POTEJ: variants seen among roughly 807,000 people sequenced by gnomAD.
POTEJ encodes the protein POTE ankyrin domain family member J.
A neutral mutation model predicts 69.0 loss-of-function variants in POTEJ; 11 were observed. The ratio of observed to expected loss-of-function variants is 0.16; its 90% CI spans 0.10 to 0.26. The LOEUF is 0.26. Ranked by LOEUF, POTEJ falls within the 10% of genes least tolerant of loss-of-function variation. The pLI, the probability that POTEJ is intolerant of heterozygous loss-of-function variation, is 1.00. For synonymous variants in POTEJ, 117 were observed against 381.1 expected (o/e 0.31, Z 8.07); for missense variants, 327 against 1,045.5 (o/e 0.31, Z 9.48).
At chr2:130,650,135 T>C (rs1686755028) in intron 13 of POTEJ, among the ~76,000 whole-genome samples, 2 of 152,280 alleles carry the variant, frequency 1.3e-5, no homozygotes, top group Admixed American at 6.5e-5. Context: ...GAAGTTTCAA[T>C]GAAACAAAGT....
intron 5 of POTEJ, among the ~76,000 whole-genome samples, chr2:130,623,681 G>A (rs1484007025): frequency 1.5e-5 from 2 of 132,270 alleles, no homozygotes; most frequent in Non-Finnish European, 3.2e-5. Flanking sequence ...TAACAACCTA[G>A]TGAAATAAGG....
upstream of POTEJ, chr2:130,611,355 G>A: frequency 7.4e-6 from 4 of 540,912 alleles, no homozygotes; most frequent in Non-Finnish European, 1.3e-5. Flanking sequence ...CCGGGTGGGT[G>A]TGGGTTTTCC....
intron 9 of POTEJ, among the ~76,000 whole-genome samples, chr2:130,636,012 T>TCAAA: frequency 6.9e-6 from 1 of 144,356 alleles, no homozygotes; most frequent in South Asian, 2.1e-4. Flanking sequence ...TGAGTATGGG[T>TCAAA]CAAAGTTCCT....
Position 130,630,791 on chromosome 2 carries a change from G to C in POTEJ, c.1087-618G>C, listed in dbSNP as rs546212360. Reference sequence around the variant, plus strand: ...TATCCACTGTAATTAGTACACATTAGAATATATTAGAACTGGACTTAAGCA... The same window carrying C: ...TATCCACTGTAATTAGTACACATTACAATATATTAGAACTGGACTTAAGCA... On this transcript the variant is annotated intron_variant, in intron 7 of 14. Transcript: ENST00000409602. Among the ~76,000 whole-genome samples the C allele has an allele frequency of 3.0e-3, 436 of 145,634 alleles. 7 individuals carry two copies. The highest frequency in any genetic ancestry group is 0.011 in the African/African-American group (413 of 37,586).
In POTEJ at chr2:130,643,451, G is replaced by A. The variant is rs543895831; in HGVS notation, c.1370-532G>A. Among the ~76,000 whole-genome samples the A allele has an allele frequency of 2.0e-4, 27 of 136,546 alleles. 1 individual carries two copies. The highest frequency in any genetic ancestry group is 1.4e-3 in the South Asian group (6 of 4,348). The allele number at this position is 136,546 out of a possible 152,430, so 89.6% of individuals were successfully genotyped here. On this transcript the variant is annotated intron_variant, in intron 10 of 14. Coordinates refer to ENST00000409602, the MANE Select transcript of POTEJ (RefSeq NM_001277083.2). ...GGAGAATCACTTGAACCAGGGAGGC[G>A]GAGGTTGCAGTGAGCTGATCATGCC...
rs1269472899 is a variant in POTEJ, at chr2:130,626,880, T to C, written c.1015+2746T>C. Among the ~76,000 whole-genome samples the C allele has an allele frequency of 1.0e-3, 152 of 152,220 alleles. No homozygotes were observed. The East Asian group carries it at 0.027, about 27-fold the overall frequency. ...ATTTGTTTTGCTTAATTTTTTTTCA[T>C]GTAAGAAATAACATTAATAGTTGGC... On this transcript the variant is annotated intron_variant, in intron 6 of 14. Coordinates refer to ENST00000409602, the MANE Select transcript of POTEJ (RefSeq NM_001277083.2).
chr2:130,625,142 G>A (rs1685656816), intron 6 of POTEJ, among the ~76,000 whole-genome samples: 2 of 152,176 alleles, frequency 1.3e-5, no homozygotes. Context: ...TGTAAGTTAG[G>A]TTTTATAAGT....
intron 1 of POTEJ, among the ~76,000 whole-genome samples, chr2:130,612,819 A>G (rs1685261559): frequency 6.8e-6 from 1 of 148,056 alleles, no homozygotes; most frequent in Admixed American, 6.7e-5. Flanking sequence ...CTTTTACATA[A>G]GCCAAATAAA....
chr2:130,656,636 G>T lies in POTEJ; in HGVS notation c.1876G>T (p.Asp626Tyr). The part of the protein sequence containing the change: ...EEIAMLRLEL[D>Y]TMKHQSQLRK... ...AATTGCCATGCTAAGACTGGAGCTA[G>T]ACACAATGAAACATCAGAGCCAGCT... The change falls in exon 15 of 15, where the codon GAC (aspartate) becomes TAC (tyrosine). Residue 626 changes from aspartate to tyrosine, a missense_variant. By Grantham distance (160) the Asp-to-Tyr change is radical. Coordinates refer to ENST00000409602, the MANE Select transcript of POTEJ (RefSeq NM_001277083.2). 6.2e-7 allele frequency: 1 copy of T among 1,610,112 alleles called. No homozygotes were observed. Among genetic ancestry groups the T allele is most frequent in the Non-Finnish European group, 8.5e-7 (1 of 1,179,862 alleles).
chr2:130,614,808 T>G (rs1262379340), intron 1 of POTEJ, among the ~76,000 whole-genome samples: 1 of 67,598 alleles, frequency 1.5e-5, no homozygotes, highest in African/African-American at 8.0e-5. Context: ...TTTATTTCTG[T>G]GGTTGGCTAT....
chr2:130,657,374 G>A lies in POTEJ; in HGVS notation c.2614G>A (p.Val872Met), dbSNP rs202097988. ...RFTTMAEREI[V>M]RDIKEKLCYV... is the part of the protein sequence containing the mutation. ...CACCACCATGGCCGAGCGGGAAATCGTGCGTGACATCAAAGAGAAGCTGTG... is the reference window on the plus strand; with the variant it reads ...CACCACCATGGCCGAGCGGGAAATCATGCGTGACATCAAAGAGAAGCTGTG... Residue 872 changes from valine (V) to methionine (M), a missense_variant, in exon 15 of 15, where the codon GTG (valine) becomes ATG (methionine). By Grantham distance (21) the Val-to-Met change is conservative. Coordinates refer to ENST00000409602, the MANE Select transcript of POTEJ (RefSeq NM_001277083.2). The A allele has an allele frequency of 1.4e-3, 2,189 of 1,582,582 alleles. 116 individuals are homozygous for A. Among genetic ancestry groups the A allele is most frequent in the South Asian group, 1.8e-3 (163 of 90,720 alleles).
intron 14 of POTEJ, among the ~76,000 whole-genome samples, chr2:130,655,269 G>A (rs1686943913): frequency 1.3e-5 from 2 of 152,102 alleles, no homozygotes; most frequent in Non-Finnish European, 2.9e-5. Flanking sequence ...CAATCCAAAG[G>A]AGAAGTATTT....
chr2:130,630,781 G>A (rs563771653), intron 7 of POTEJ, among the ~76,000 whole-genome samples: 1,532 of 145,866 alleles, frequency 0.011, 31 homozygotes, highest in Non-Finnish European at 0.017. Context: ...ACTGTAATTA[G>A]TACACATTAG....
At chr2:130,640,350 G>A (rs1686302180) in intron 10 of POTEJ, among the ~76,000 whole-genome samples, 1 of 145,146 alleles carries the variant, frequency 6.9e-6, no homozygotes, top group African/African-American at 2.6e-5. Context: ...CTTAGCTAAG[G>A]CAAGTTTATG....
intron 9 of POTEJ, among the ~76,000 whole-genome samples, chr2:130,632,872 A>G (rs1289170298): frequency 1.4e-5 from 2 of 145,738 alleles, no homozygotes; most frequent in Non-Finnish European, 3.0e-5. Context: ...TGTGAGGGAA[A>G]AGGCATTTTC....
At chr2:130,651,966 A>G in intron 13 of POTEJ, among the ~76,000 whole-genome samples, 1 of 108,318 alleles carries the variant, frequency 9.2e-6, no homozygotes, top group East Asian at 3.1e-4. Flanking sequence ...TATTTTAAAA[A>G]TAAGGATACC....
At chr2:130,645,621 T>C (rs538355582) in intron 11 of POTEJ, 116 bp from the exon 12 acceptor site, 2 of 298,886 alleles carry the variant, frequency 6.7e-6, no homozygotes, top group Non-Finnish European at 1.3e-5. Flanking sequence ...TTTCTAATTT[T>C]TATTGTCCAT....
chr2:130,626,978 G>A (rs553919186), intron 6 of POTEJ, among the ~76,000 whole-genome samples: 300 of 152,156 alleles, frequency 2.0e-3, no homozygotes, highest in African/African-American at 6.8e-3. Context: ...TAAAGCAGAG[G>A]CAGAAGAGAG....
intron 3 of POTEJ, among the ~76,000 whole-genome samples, chr2:130,618,914 TA>T (rs1203507734): frequency 7.4e-6 from 1 of 134,364 alleles, no homozygotes; most frequent in African/African-American, 3.1e-5. Flanking sequence ...TTTTTTATTT[TA>T]TTTTATTTTT....
Sources: gnomAD v4.1 joint callset for allele counts (sites outside exome capture counted in the v4.1 genomes callset) on GRCh38, gnomAD v4.1.1 for gene constraint, MANE v1.5 for transcripts, NCBI Gene and HGNC (gene_info 2026-07-23, HGNC 2026-07-21) for gene names.